Variants in TMEM178B observed in about 807,000 individuals in gnomAD.
TMEM178B encodes transmembrane protein 178B.
In TMEM178B, 5 loss-of-function variants were observed where a neutral mutation model predicts 31.0. That is an observed-to-expected ratio of 0.16 (90% CI 0.08 to 0.34). The LOEUF (loss-of-function observed/expected upper bound fraction) is 0.34, where lower values mean the gene tolerates loss of function less well. Among genes scored for constraint, TMEM178B ranks in the 10% least tolerant of loss-of-function variants. The pLI is 1.00. For missense variants in TMEM178B, 275 were observed against 400.3 expected, an observed-to-expected ratio of 0.69 and a Z score of 2.67; for synonymous variants, 164 against 164.0, an observed-to-expected ratio of 1.00 and a Z score of 0.00.
intron 1 of TMEM178B, among the ~76,000 whole-genome samples, chr7:141,183,574 T>C (rs1479636344): frequency 6.6e-6 from 1 of 152,202 alleles, no homozygotes; most frequent in South Asian, 2.1e-4. Context: ...CACATAGTTC[T>C]TTATGTTTAT....
At position 141,343,182 on chromosome 7, in the gene TMEM178B, C is replaced by T. The variant is rs147636923; in HGVS notation, c.497-94426C>T. Among the ~76,000 whole-genome samples, 18 of 152,308 alleles carry T rather than the reference C, an allele frequency of 1.2e-4. No homozygotes were observed. In the East Asian group the frequency reaches 2.5e-3, roughly 21 times the overall value. ...CTAGACTTCACTCACATCTCTGGACCGTGTAGGTCTGATTCATCCCCGTAC... is the reference window on the plus strand; with the variant it reads ...CTAGACTTCACTCACATCTCTGGACTGTGTAGGTCTGATTCATCCCCGTAC... On this transcript the variant is annotated intron_variant, in intron 2 of 3. Transcript: ENST00000565468.
At chr7:141,393,112 C>T (rs752605397) in intron 2 of TMEM178B, among the ~76,000 whole-genome samples, 1 of 152,070 alleles carries the variant, frequency 6.6e-6, no homozygotes, top group Non-Finnish European at 1.5e-5. Context: ...TTTTCTTCTG[C>T]GGGGCTCTTC....
intron 2 of TMEM178B, among the ~76,000 whole-genome samples, chr7:141,365,037 A>G (rs1293797761): frequency 6.6e-6 from 1 of 152,268 alleles, no homozygotes; most frequent in African/African-American, 2.4e-5. Flanking sequence ...AACGAAACAC[A>G]TCTGTAGCCT....
At chr7:141,482,130 C>T (rs1403710608), downstream of TMEM178B, among the ~76,000 whole-genome samples, 1 of 152,164 alleles carries the variant, frequency 6.6e-6, no homozygotes, top group Admixed American at 6.5e-5. Context: ...TAGCAGAGAC[C>T]TGGGTTTGTG....
At chr7:141,365,977 T>G (rs151312943) in intron 2 of TMEM178B, among the ~76,000 whole-genome samples, 1 of 152,336 alleles carries the variant, frequency 6.6e-6, no homozygotes, top group African/African-American at 2.4e-5. Context: ...GAATGTCACT[T>G]CCATCTTTTG....
chr7:141,367,785 T>C (rs1800036694), intron 2 of TMEM178B, among the ~76,000 whole-genome samples: 1 of 152,066 alleles, frequency 6.6e-6, no homozygotes, highest in Non-Finnish European at 1.5e-5. Context: ...GGGTTTCCTA[T>C]GGGACAGGGA....
intron 1 of TMEM178B, among the ~76,000 whole-genome samples, chr7:141,129,068 C>T (rs1586785606): frequency 6.6e-6 from 1 of 152,224 alleles, no homozygotes; most frequent in African/African-American, 2.4e-5. Flanking sequence ...TTTAGAGAAG[C>T]TGCCACCAGT....
At chr7:141,280,148 G>A (rs1465077065) in intron 2 of TMEM178B, among the ~76,000 whole-genome samples, 1 of 152,190 alleles carries the variant, frequency 6.6e-6, no homozygotes, top group Non-Finnish European at 1.5e-5. Flanking sequence ...TCCCTGTCTG[G>A]ACTCCATTCA....
intron 3 of TMEM178B, among the ~76,000 whole-genome samples, chr7:141,439,837 C>T (rs1177370407): frequency 1.3e-5 from 2 of 152,234 alleles, no homozygotes; most frequent in Non-Finnish European, 2.9e-5. Flanking sequence ...ATTCTCCCCT[C>T]TCTTCATGCC....
intron 2 of TMEM178B, chr7:141,415,021 G>A (rs1426111706): frequency 4.6e-5 from 7 of 152,278 alleles, no homozygotes; most frequent in East Asian, 1.9e-4. Context: ...CAAAGGCTGC[G>A]GACAAGCAGG....
intron 1 of TMEM178B, among the ~76,000 whole-genome samples, chr7:141,199,554 C>T (rs1477908215): frequency 6.6e-6 from 1 of 152,156 alleles, no homozygotes. Context: ...TTCTTCCTTT[C>T]TCCTTTGCTT....
intron 2 of TMEM178B, among the ~76,000 whole-genome samples, chr7:141,394,847 C>T (rs1346260854): frequency 1.3e-5 from 2 of 152,186 alleles, no homozygotes; most frequent in African/African-American, 4.8e-5. Flanking sequence ...AGCTATATCT[C>T]ACCCCAAATC....
chr7:141,454,838 C>T (rs993781084), intron 3 of TMEM178B, among the ~76,000 whole-genome samples: 3 of 152,058 alleles, frequency 2.0e-5, no homozygotes, highest in African/African-American at 7.2e-5. Context: ...TTCTGTGGTT[C>T]TTTTCTCATT....
chr7:141,105,620 C>G (rs540307428), intron 1 of TMEM178B, among the ~76,000 whole-genome samples: 3 of 152,208 alleles, frequency 2.0e-5, no homozygotes, highest in Admixed American at 6.5e-5. Context: ...CCTAATTTCT[C>G]TCATCATTCG....
chr7:141,324,063 G>A (rs1177689642), intron 2 of TMEM178B, among the ~76,000 whole-genome samples: 5 of 152,258 alleles, frequency 3.3e-5, no homozygotes, highest in South Asian at 2.1e-4. Context: ...GTCAGTGAAC[G>A]TGCAATAGAG....
chr7:141,141,049 A>G (rs1012086556), intron 1 of TMEM178B, among the ~76,000 whole-genome samples: 12 of 152,162 alleles, frequency 7.9e-5, no homozygotes, highest in African/African-American at 2.7e-4. Flanking sequence ...CTCCTTTAGG[A>G]TGCAGTATCT....
the TMEM178B span, among the ~76,000 whole-genome samples, chr7:141,501,735 G>A: frequency 1.3e-5 from 2 of 152,122 alleles, no homozygotes; most frequent in Non-Finnish European, 2.9e-5. Context: ...GACTCAAGTC[G>A]CAACATTAAC....
At chr7:141,507,255 C>T in the TMEM178B span, among the ~76,000 whole-genome samples, 72 of 152,360 alleles carry the variant, frequency 4.7e-4, no homozygotes, top group South Asian at 4.3e-3. Context: ...TCCAACCCCG[C>T]GTTTCCCTTC....
rs116272559 is a variant in TMEM178B, at chr7:141,427,440, A to G, written c.497-10168A>G. Among the ~76,000 whole-genome samples, 295 of 152,362 alleles carry G rather than the reference A, an allele frequency of 1.9e-3. 1 individual carries two copies. The highest frequency in any genetic ancestry group is 6.6e-3 in the African/African-American group (274 of 41,576). On this transcript the variant is annotated intron_variant, in intron 2 of 3. Coordinates refer to ENST00000565468, the MANE Select transcript of TMEM178B (RefSeq NM_001195278.2). ...ACTGATTTTCAACAAAGGTGTCAAG[A>G]ACACACAATAGGGAAATGACAGTCT... is the stretch of plus-strand genomic sequence containing the variant.
Sources: gnomAD v4.1 joint callset for allele counts (sites outside exome capture counted in the v4.1 genomes callset) on GRCh38, gnomAD v4.1.1 for gene constraint, MANE v1.5 for transcripts, NCBI Gene and HGNC (gene_info 2026-07-23, HGNC 2026-07-21) for gene names.